PCBP3: variants seen among roughly 807,000 people sequenced by gnomAD.
The protein encoded by PCBP3 is poly(rC)-binding protein 3.
Under a neutral mutation model 52.7 loss-of-function variants are expected in PCBP3, and 25 were observed. The ratio of observed to expected loss-of-function variants is 0.47; its 90% confidence interval spans 0.35 to 0.66. PCBP3 has a LOEUF of 0.66. PCBP3 is among the 30% of genes least tolerant of loss of function. PCBP3 has a pLI of 0.01. For missense variants in PCBP3, 391 were observed against 490.3 expected (o/e 0.80, Z 1.91); for synonymous variants, 162 against 183.0 (o/e 0.89, Z 0.93).
intron 2 of PCBP3, among the ~76,000 whole-genome samples, chr21:45,708,236 TCTC>T (rs1399621243): frequency 6.6e-6 from 1 of 152,136 alleles, no homozygotes; most frequent in East Asian, 1.9e-4. Context: ...CAGCTTTTCT[TCTC>T]AAGGGCTAGA....
intron 4 of PCBP3, among the ~76,000 whole-genome samples, chr21:45,786,259 T>C (rs187302883): frequency 1.3e-3 from 201 of 151,670 alleles, no homozygotes; most frequent in Non-Finnish European, 2.6e-3. Flanking sequence ...TTTTCCATTG[T>C]TGACATTTTT....
At chr21:45,887,146 C>T (rs948296735) in intron 5 of PCBP3, among the ~76,000 whole-genome samples, 3 of 152,358 alleles carry the variant, frequency 2.0e-5, no homozygotes, top group Non-Finnish European at 4.4e-5. Flanking sequence ...AGAGAAAGCC[C>T]AGGGGTTCAC....
chr21:45,941,649 T>A, intron 17 of PCBP3, 21 bp from the exon 18 acceptor site: 5 of 1,604,298 alleles, frequency 3.1e-6, no homozygotes, highest in Non-Finnish European at 3.4e-6. Context: ...TCTCTCCCTC[T>A]CCTGCCTTTG....
At chr21:45,768,272 G>A (rs955650434) in intron 4 of PCBP3, among the ~76,000 whole-genome samples, 5 of 152,242 alleles carry the variant, frequency 3.3e-5, no homozygotes, top group South Asian at 2.1e-4. Context: ...CCACCCTCAC[G>A]TTTCTCAGCG....
intron 4 of PCBP3, among the ~76,000 whole-genome samples, chr21:45,774,342 A>T (rs1473195171): frequency 6.6e-6 from 1 of 151,038 alleles, no homozygotes; most frequent in Non-Finnish European, 1.5e-5. Flanking sequence ...GTGAACCGAG[A>T]TTGCGCCACT....
intron 5 of PCBP3, among the ~76,000 whole-genome samples, chr21:45,886,873 C>T (rs547089299): frequency 4.7e-4 from 71 of 152,308 alleles, no homozygotes; most frequent in African/African-American, 1.5e-3. Context: ...GCATGGGGTT[C>T]GGGAGCCTCT....
chr21:45,936,649 C>T (rs1387311185), intron 16 of PCBP3, among the ~76,000 whole-genome samples: 1 of 152,244 alleles, frequency 6.6e-6, no homozygotes, highest in Admixed American at 6.5e-5. Context: ...TCTTTTCCTC[C>T]AGGTAGTAAA....
chr21:45,881,392 C>T lies in PCBP3; in HGVS notation c.11-14816C>T, dbSNP rs774559402. 5.3e-5 allele frequency among the ~76,000 whole-genome samples: 8 copies of T among 152,102 alleles called. No individual in the cohort carries two copies. The South Asian group carries it at 1.0e-3, about 20-fold the overall frequency. On this transcript the variant is annotated intron_variant, in intron 5 of 17. Transcript: ENST00000681687. ...ACATACCTTTGTTTGTGGTGAGGTT[C>T]GAGTGATCCTCCCACCTGTCTCCCA...
chr21:45,891,011 C>T (rs1397502846), intron 5 of PCBP3, among the ~76,000 whole-genome samples: 2 of 85,010 alleles, frequency 2.4e-5, no homozygotes, highest in African/African-American at 6.0e-5. Context: ...ACCTGGAACT[C>T]TGTGCATTGC....
intron 13 of PCBP3, among the ~76,000 whole-genome samples, chr21:45,921,594 T>A (rs992844598): frequency 1.3e-5 from 2 of 152,190 alleles, no homozygotes; most frequent in African/African-American, 2.4e-5. Flanking sequence ...GGCAGGTGGA[T>A]CGCTTGAGCT....
chr21:45,700,200 T>C (rs540504991), intron 2 of PCBP3, among the ~76,000 whole-genome samples: 20 of 152,330 alleles, frequency 1.3e-4, no homozygotes, highest in Admixed American at 1.1e-3. Context: ...AGATGATTTC[T>C]CAGGACACTT....
At chr21:45,707,351 A>G (rs1215671589) in intron 2 of PCBP3, among the ~76,000 whole-genome samples, 1 of 151,980 alleles carries the variant, frequency 6.6e-6, no homozygotes, top group African/African-American at 2.4e-5. Flanking sequence ...CCCCGTCTCT[A>G]TTAAAAATAC....
chr21:45,922,249 T>C (rs1393518604), intron 13 of PCBP3, among the ~76,000 whole-genome samples: 1 of 151,976 alleles, frequency 6.6e-6, no homozygotes, highest in Non-Finnish European at 1.5e-5. Context: ...AAGAAATGAG[T>C]GAACTTCAAA....
At chr21:45,935,453 C>T (rs1213119012) in intron 16 of PCBP3, 148 bp downstream of exon 16, 1 of 710,510 alleles carries the variant, frequency 1.4e-6, no homozygotes, top group Non-Finnish European at 2.6e-6. Context: ...TGTCCTCCCT[C>T]CTTTCCTTTT....
At chr21:45,718,527 C>G (rs2084384226) in intron 2 of PCBP3, among the ~76,000 whole-genome samples, 1 of 152,038 alleles carries the variant, frequency 6.6e-6, no homozygotes, top group East Asian at 1.9e-4. Context: ...TGCTGGTTCT[C>G]ATTGATTGCT....
intron 4 of PCBP3, among the ~76,000 whole-genome samples, chr21:45,813,258 T>C (rs2092732567): frequency 6.6e-6 from 1 of 152,230 alleles, no homozygotes; most frequent in Non-Finnish European, 1.5e-5. Flanking sequence ...TCTGTTGATC[T>C]GTAGTTCCCT....
At chr21:45,746,904 C>T (rs537606703) in intron 3 of PCBP3, among the ~76,000 whole-genome samples, 1 of 121,512 alleles carries the variant, frequency 8.2e-6, no homozygotes, top group East Asian at 2.4e-4. Flanking sequence ...GTAGCGCACA[C>T]GGTGTTGTGT....
In PCBP3 at chr21:45,690,274, A is replaced by G. The variant is rs547207230; in HGVS notation, c.-200+21322A>G. Among the ~76,000 whole-genome samples the G allele has an allele frequency of 9.2e-5, 14 of 152,254 alleles. No individual in the cohort carries two copies. In the South Asian group the frequency reaches 2.9e-3, roughly 32 times the overall value. On this transcript the variant is annotated intron_variant, in intron 2 of 17. Coordinates refer to ENST00000681687, the MANE Select transcript of PCBP3 (RefSeq NM_001384156.1). Reference sequence around the variant, plus strand: ...AAACTGTCAGAAGAACTGAATATCCATATATAAAAAAAAGAACCTTGATTC... The same window carrying G: ...AAACTGTCAGAAGAACTGAATATCCGTATATAAAAAAAAGAACCTTGATTC...
chr21:45,691,424 A>G (rs555829687), intron 2 of PCBP3, among the ~76,000 whole-genome samples: 3 of 136,390 alleles, frequency 2.2e-5, no homozygotes, highest in East Asian at 2.0e-4. Flanking sequence ...ATATATATAT[A>G]AAATATATAT....
Sources: gnomAD v4.1 joint callset for allele counts (sites outside exome capture counted in the v4.1 genomes callset) on GRCh38, gnomAD v4.1.1 for gene constraint, MANE v1.5 for transcripts, NCBI Gene and HGNC (gene_info 2026-07-23, HGNC 2026-07-21) for gene names.